The following CNTNAP5 variants were observed in gnomAD, a reference collection of about 807,000 sequenced individuals.
CNTNAP5 encodes the protein contactin associated protein family member 5, also known as contactin-associated protein-like 5.
CNTNAP5 carries 72 observed loss-of-function variants against 150.2 expected under a neutral mutation model. That is an observed-to-expected ratio of 0.48 (90% confidence interval 0.40 to 0.58). The LOEUF (loss-of-function observed/expected upper bound fraction) is 0.58, where lower values mean the gene tolerates loss of function less well. Among genes scored for constraint, CNTNAP5 ranks in the 20% least tolerant of loss-of-function variants. The pLI, the probability that CNTNAP5 is intolerant of heterozygous loss-of-function variation, is 0.00. For synonymous variants in CNTNAP5, 672 were observed against 619.8 expected (o/e 1.08, Z -1.25); for missense variants, 1,636 against 1,626.2 (o/e 1.01, Z -0.10).
intron 14 of CNTNAP5, among the ~76,000 whole-genome samples, chr2:124,755,253 T>C (rs1334249997): frequency 6.6e-6 from 1 of 152,190 alleles, no homozygotes; most frequent in Non-Finnish European, 1.5e-5. Context: ...ACATCAGTTA[T>C]CTGTCAAGCC....
intron 10 of CNTNAP5, among the ~76,000 whole-genome samples, chr2:124,533,538 G>T (rs921845923): frequency 1.3e-5 from 2 of 152,160 alleles, no homozygotes; most frequent in African/African-American, 4.8e-5. Context: ...GGAGAGGGAT[G>T]GTTCCTGCCC....
intron 3 of CNTNAP5, among the ~76,000 whole-genome samples, chr2:124,277,682 A>G (rs1317971794): frequency 6.6e-6 from 1 of 152,156 alleles, no homozygotes; most frequent in African/African-American, 2.4e-5. Flanking sequence ...ACCTTAGCAC[A>G]TCATTTGTGA....
Position 124,606,402 on chromosome 2 carries a change from C to T in CNTNAP5, c.1757-3399C>T, listed in dbSNP as rs138766886. ...AATAAGAAGTAACAATATAGACATG[C>T]TATTTAGTCATTCCAGTCAATAACA... On this transcript the variant is annotated intron_variant, in intron 11 of 23. Coordinates refer to ENST00000682447, the MANE Select transcript of CNTNAP5 (RefSeq NM_001367498.1). Among the ~76,000 whole-genome samples the T allele has an allele frequency of 2.8e-3, 423 of 151,864 alleles. 2 individuals are homozygous for T. The highest frequency in any genetic ancestry group is 9.7e-3 in the African/African-American group (400 of 41,382).
chr2:124,341,142 T>C (rs1212078449), intron 3 of CNTNAP5, among the ~76,000 whole-genome samples: 1 of 151,774 alleles, frequency 6.6e-6, no homozygotes, highest in African/African-American at 2.4e-5. Context: ...ACAAAAAGAA[T>C]CCATAAAAAG....
chr2:124,236,835 G>T (rs1196994593), intron 2 of CNTNAP5, among the ~76,000 whole-genome samples: 1 of 152,046 alleles, frequency 6.6e-6, no homozygotes. Context: ...TTTTAAAACA[G>T]ATTAGGTGTG....
intron 1 of CNTNAP5, among the ~76,000 whole-genome samples, chr2:124,128,879 G>A (rs539236805): frequency 3.1e-4 from 47 of 152,206 alleles, no homozygotes; most frequent in African/African-American, 1.1e-3. Context: ...CTTGAACACA[G>A]GGTGGGGAAC....
At chr2:124,342,278 G>A (rs568310946) in intron 3 of CNTNAP5, among the ~76,000 whole-genome samples, 4 of 152,228 alleles carry the variant, frequency 2.6e-5, no homozygotes, top group Admixed American at 1.3e-4. Flanking sequence ...TCTTACAGGT[G>A]TGCAGCCAAG....
At chr2:124,058,396 C>T (rs1342995262) in intron 1 of CNTNAP5, among the ~76,000 whole-genome samples, 2 of 152,102 alleles carry the variant, frequency 1.3e-5, no homozygotes, top group Non-Finnish European at 2.9e-5. Context: ...CAAAGTCCTT[C>T]CACTCCCGAT....
intron 1 of CNTNAP5, among the ~76,000 whole-genome samples, chr2:124,036,672 T>C (rs1297099099): frequency 6.6e-6 from 1 of 152,134 alleles, no homozygotes; most frequent in South Asian, 2.1e-4. Flanking sequence ...AGTTAAGTAA[T>C]GTGCTTCTTT....
At chr2:124,067,792 G>C (rs1350196505) in intron 1 of CNTNAP5, among the ~76,000 whole-genome samples, 1 of 152,024 alleles carries the variant, frequency 6.6e-6, no homozygotes, top group Non-Finnish European at 1.5e-5. Context: ...AGAAAGCTTT[G>C]GTGTTTGCCG....
At chr2:124,399,721 G>A (rs1205400889) in intron 3 of CNTNAP5, among the ~76,000 whole-genome samples, 3 of 152,124 alleles carry the variant, frequency 2.0e-5, no homozygotes, top group Non-Finnish European at 4.4e-5. Context: ...TCTGCGGTAT[G>A]GAATGGCATC....
intron 1 of CNTNAP5, among the ~76,000 whole-genome samples, chr2:124,158,515 T>C (rs1684599585): frequency 6.6e-6 from 1 of 152,184 alleles, no homozygotes; most frequent in African/African-American, 2.4e-5. Context: ...CGTTTTGCCT[T>C]CTGGAAATTT....
Position 124,903,089 on chromosome 2 carries a change from A to C in CNTNAP5, c.3644A>C (p.His1215Pro). The part of the protein sequence containing the change: ...DSDVNAVTTV[H>P]SSSDPFGKTD... ...GATGTGAATGCAGTGACCACGGTGC[A>C]TTCTTCATCAGGTACACTCAAGAGC... is the stretch of plus-strand genomic sequence containing the variant. Residue 1215 changes from histidine (H) to proline (P), a missense_variant, in exon 22 of 24, where the codon CAT becomes CCT. Coordinates refer to ENST00000682447, the MANE Select transcript of CNTNAP5 (RefSeq NM_001367498.1). The C allele has an allele frequency of 1.3e-6, 2 of 1,569,362 alleles. No individual in the cohort carries two copies. The highest frequency in any genetic ancestry group is 1.7e-6 in the Non-Finnish European group (2 of 1,154,248).
intron 1 of CNTNAP5, among the ~76,000 whole-genome samples, chr2:124,031,043 G>T (rs1681034588): frequency 6.6e-6 from 1 of 151,812 alleles, no homozygotes; most frequent in African/African-American, 2.4e-5. Flanking sequence ...AACAAGCTAT[G>T]TTGTTTCAAA....
intron 1 of CNTNAP5, among the ~76,000 whole-genome samples, chr2:124,212,914 C>T (rs947637867): frequency 2.0e-4 from 27 of 136,364 alleles, no homozygotes; most frequent in African/African-American, 7.5e-4. Flanking sequence ...TCTCTGCTCA[C>T]TGAAAGCTCC....
chr2:124,451,593 C>T lies in CNTNAP5; in HGVS notation c.918+4656C>T, dbSNP rs7609049. 2.1e-3 allele frequency among the ~76,000 whole-genome samples: 318 copies of T among 152,164 alleles called. 7 individuals are homozygous for T. Among genetic ancestry groups the T allele is most frequent in the African/African-American group, 7.4e-3 (306 of 41,494 alleles). On this transcript the variant is annotated intron_variant, in intron 6 of 23. Transcript: ENST00000682447. ...CAAAACAGCGTGTGGAGACTCGCAT[C>T]GTGAACTTTGGCTCCAGAACGACTG...
At chr2:124,213,254 A>G (rs1282308485) in intron 1 of CNTNAP5, among the ~76,000 whole-genome samples, 1 of 152,198 alleles carries the variant, frequency 6.6e-6, no homozygotes, top group Non-Finnish European at 1.5e-5. Context: ...GGGGTTTTTA[A>G]AAAGATGGCT....
chr2:124,300,221 C>T (rs1400160115), intron 3 of CNTNAP5, among the ~76,000 whole-genome samples: 4 of 152,180 alleles, frequency 2.6e-5, no homozygotes, highest in South Asian at 2.1e-4. Context: ...CACTGACTTC[C>T]GTAGCATTTC....
chr2:124,510,279 C>CTATCTA (rs1694532441), intron 8 of CNTNAP5, among the ~76,000 whole-genome samples: 4 of 70,994 alleles, frequency 5.6e-5, no homozygotes, highest in African/African-American at 2.1e-4. Flanking sequence ...ATATCTATAT[C>CTATCTA]TATATCTATA....
Sources: gnomAD v4.1 joint callset for allele counts (sites outside exome capture counted in the v4.1 genomes callset) on GRCh38, gnomAD v4.1.1 for gene constraint, MANE v1.5 for transcripts, NCBI Gene and HGNC (gene_info 2026-07-23, HGNC 2026-07-21) for gene names.